Variants in OXR1 observed in about 807,000 individuals in gnomAD.
OXR1 encodes the protein oxidation resistance protein 1.
A neutral mutation model predicts 104.6 loss-of-function variants in OXR1; 41 were observed. The ratio of observed to expected loss-of-function variants is 0.39; its 90% CI spans 0.31 to 0.51. The LOEUF is 0.51. Among genes scored for constraint, OXR1 ranks in the 20% least tolerant of loss-of-function variants. The pLI, the probability that OXR1 is intolerant of heterozygous loss-of-function variation, is 0.77. For missense variants in OXR1, 955 were observed against 1,031.9 expected (o/e 0.93, Z 1.02); for synonymous variants, 348 against 348.4 (o/e 1.00, Z 0.01).
intron 2 of OXR1, among the ~76,000 whole-genome samples, chr8:106,420,905 A>G (rs1042658360): frequency 1.3e-5 from 2 of 152,132 alleles, no homozygotes; most frequent in Admixed American, 6.6e-5. Context: ...GACCCACACT[A>G]TAAGGGAAAC....
At chr8:106,392,473 T>C (rs10087201) in intron 2 of OXR1, among the ~76,000 whole-genome samples, 7,480 of 152,122 alleles carry the variant, frequency 0.049, 614 homozygotes, top group African/African-American at 0.17. Context: ...AGTTAGAGCA[T>C]ACACAAGGTC....
chr8:106,485,163 A>G (rs1347834139), intron 2 of OXR1, among the ~76,000 whole-genome samples: 3 of 151,172 alleles, frequency 2.0e-5, no homozygotes, highest in Non-Finnish European at 2.9e-5. Flanking sequence ...CCAGGGGTTC[A>G]AAGGAGAGAG....
At chr8:106,737,647 T>C (rs1158764508) in intron 12 of OXR1, 47 bp downstream of exon 12, 1 of 656,068 alleles carries the variant, frequency 1.5e-6, no homozygotes, top group Non-Finnish European at 2.3e-6. Flanking sequence ...AAATACTCCC[T>C]GTTTTTAGTG....
intron 6 of OXR1, among the ~76,000 whole-genome samples, chr8:106,690,172 A>G (rs1159205943): frequency 6.6e-6 from 1 of 150,798 alleles, no homozygotes; most frequent in African/African-American, 2.4e-5. Flanking sequence ...CAATGTTAAT[A>G]TAAATATATA....
In OXR1 at chr8:106,285,901, T is replaced by G. The variant is rs143606436; in HGVS notation, c.-139+15534T>G. Among the ~76,000 whole-genome samples the G allele has an allele frequency of 3.8e-3, 583 of 152,304 alleles. 4 individuals are homozygous for G. Among genetic ancestry groups the G allele is most frequent in the African/African-American group, 0.013 (538 of 41,554 alleles). On this transcript the variant is annotated intron_variant, in intron 1 of 16. Transcript: ENST00000517566. Reference sequence around the variant, plus strand: ...TTTATGCATCATTCCTTTGTGGACTTCCCTCCTTCTGGGAATGTGTGTCTT... The same window carrying G: ...TTTATGCATCATTCCTTTGTGGACTGCCCTCCTTCTGGGAATGTGTGTCTT...
chr8:106,286,550 C>T (rs1315560246), intron 1 of OXR1, among the ~76,000 whole-genome samples: 1 of 152,222 alleles, frequency 6.6e-6, no homozygotes, highest in East Asian at 1.9e-4. Flanking sequence ...AAGGTGGTAA[C>T]TTTTCTCTCC....
At position 106,713,790 on chromosome 8, in the gene OXR1, A is replaced by G. The variant is rs368738750; in HGVS notation, c.1794-33A>G. 2.1e-4 allele frequency: 283 copies of G among 1,354,254 alleles called. 1 individual carries two copies. The highest frequency in any genetic ancestry group is 2.7e-4 in the Non-Finnish European group (275 of 1,011,336). 83.9% of individuals were successfully genotyped at this position (1,354,254 alleles called of 1,614,324 possible). A position where few individuals can be genotyped will look rare whatever the true frequency, so the allele number is the denominator to read the frequency against. On this transcript the variant is annotated intron_variant, in intron 10 of 16. Coordinates refer to ENST00000517566, the MANE Select transcript of OXR1 (RefSeq NM_001198533.2). ...TTTTTTAATTCTGGCAGCACAGAATACTAGGTATATTAATAGTCACTTCTC... is the reference window on the plus strand; with the variant it reads ...TTTTTTAATTCTGGCAGCACAGAATGCTAGGTATATTAATAGTCACTTCTC...
chr8:106,383,982 G>T (rs1412810208), intron 2 of OXR1, among the ~76,000 whole-genome samples: 1 of 152,134 alleles, frequency 6.6e-6, no homozygotes, highest in African/African-American at 2.4e-5. Flanking sequence ...ATTACAAAAG[G>T]TAGAATGAAT....
chr8:106,336,513 A>G (rs1814972491), intron 1 of OXR1, among the ~76,000 whole-genome samples: 1 of 152,210 alleles, frequency 6.6e-6, no homozygotes, highest in African/African-American at 2.4e-5. Flanking sequence ...TTTGTAACAT[A>G]TTGCTACCTC....
intron 2 of OXR1, among the ~76,000 whole-genome samples, chr8:106,415,168 A>G (rs1818620698): frequency 6.6e-6 from 1 of 152,178 alleles, no homozygotes; most frequent in African/African-American, 2.4e-5. Context: ...ATGCCTTAAC[A>G]GTGCCATAAT....
At chr8:106,702,862 T>C (rs750242631) in intron 7 of OXR1, 44 bp from the exon 8 acceptor site, 2 of 1,451,058 alleles carry the variant, frequency 1.4e-6, no homozygotes, top group Admixed American at 1.9e-5. Context: ...ATTTTTGAAG[T>C]ATCAACCTTG....
chr8:106,750,319 C>CTTTCTTTTTTTTTTT (rs1563773398), intron 16 of OXR1, among the ~76,000 whole-genome samples: 3 of 68,258 alleles, frequency 4.4e-5, no homozygotes, highest in Non-Finnish European at 6.8e-5. Context: ...CTTTTCTTTT[C>CTTTCTTTTTTTTTTT]TTTTCTTTTT....
chr8:106,503,642 G>C (rs1811957527), intron 2 of OXR1, among the ~76,000 whole-genome samples: 1 of 152,200 alleles, frequency 6.6e-6, no homozygotes, highest in Admixed American at 6.5e-5. Flanking sequence ...AAATGAAAAG[G>C]GGGAGAGACT....
intron 3 of OXR1, among the ~76,000 whole-genome samples, chr8:106,651,946 G>A (rs1310843252): frequency 1.3e-5 from 2 of 151,972 alleles, no homozygotes; most frequent in Non-Finnish European, 2.9e-5. Flanking sequence ...ATTATGTTTT[G>A]TATTTTTCAG....
intron 15 of OXR1, among the ~76,000 whole-genome samples, chr8:106,745,563 T>C (rs1835317192): frequency 6.6e-6 from 1 of 152,190 alleles, no homozygotes; most frequent in Non-Finnish European, 1.5e-5. Context: ...AACAAAATTT[T>C]GAGAAATTGG....
chr8:106,413,968 T>G (rs1174871052), intron 2 of OXR1, among the ~76,000 whole-genome samples: 1 of 152,082 alleles, frequency 6.6e-6, no homozygotes, highest in Non-Finnish European at 1.5e-5. Flanking sequence ...ACTCAAGTGA[T>G]CCACCCATCC....
chr8:106,504,744 A>G (rs1313491240), intron 2 of OXR1, among the ~76,000 whole-genome samples: 1 of 152,244 alleles, frequency 6.6e-6, no homozygotes, highest in African/African-American at 2.4e-5. Flanking sequence ...AAATATACTA[A>G]TGAGGATTGA....
intron 3 of OXR1, among the ~76,000 whole-genome samples, chr8:106,673,332 C>A (rs1450598325): frequency 6.6e-6 from 1 of 151,992 alleles, no homozygotes; most frequent in South Asian, 2.1e-4. Flanking sequence ...ATATATAGAA[C>A]GTGAGAGAGA....
chr8:106,687,208 T>C (rs1333773013), intron 6 of OXR1, among the ~76,000 whole-genome samples: 1 of 152,196 alleles, frequency 6.6e-6, no homozygotes, highest in African/African-American at 2.4e-5. Flanking sequence ...TTTATTCTCC[T>C]AGCTCCTTCC....
Sources: allele counts gnomAD v4.1 joint callset (sites outside exome capture counted in the v4.1 genomes callset), GRCh38; gene constraint gnomAD v4.1.1; transcripts MANE v1.5; gene names NCBI Gene and HGNC (gene_info 2026-07-23, HGNC 2026-07-21).